Variants in SEMA6D observed in about 807,000 individuals in gnomAD.
SEMA6D encodes semaphorin-6D.
A neutral mutation model predicts 106.6 loss-of-function variants in SEMA6D; 35 were observed. That is an observed-to-expected ratio of 0.33 (90% CI 0.25 to 0.44). SEMA6D has a LOEUF of 0.44. Ranked by LOEUF, SEMA6D falls within the 20% of genes least tolerant of loss-of-function variation. SEMA6D has a pLI of 1.00. For missense variants in SEMA6D, 1,185 were observed against 1,345.9 expected, an observed-to-expected ratio of 0.88 and a Z score of 1.87; for synonymous variants, 499 against 487.7, an observed-to-expected ratio of 1.02 and a Z score of -0.31.
At chr15:47,190,226 A>G (rs1405245205) in intron 1 of SEMA6D, among the ~76,000 whole-genome samples, 1 of 152,194 alleles carries the variant, frequency 6.6e-6, no homozygotes. Context: ...ATCCCTCACT[A>G]GCTTGTTCAG....
chr15:47,760,321 G>T lies in SEMA6D; in HGVS notation c.127G>T (p.Val43Phe), dbSNP rs1402421034. 2 of 1,613,442 alleles carry T rather than the reference G, an allele frequency of 1.2e-6. No individual in the cohort carries two copies. Among genetic ancestry groups the T allele is most frequent in the Admixed American group, 1.7e-5 (1 of 59,956 alleles). Residue 43 changes from valine to phenylalanine, a missense_variant, in exon 3 of 19, where the codon GTT becomes TTT. Physicochemically the swap from Val to Phe is conservative, Grantham distance 50 (BLOSUM62 -1). Around this residue, in one of 3 missense-constraint regions of SEMA6D, gnomAD observed 144 missense variants for 138.6 expected, o/e 1.04. Coordinates refer to ENST00000536845, the MANE Select transcript of SEMA6D (RefSeq NM_001358351.3). The part of the protein sequence containing the change: ...VDYHYSRQYP[V>F]FRGRPSGNES... ...ACTTGCAGATTCAAGGCAATATCCG[G>T]TTTTTAGAGGACGCCCTTCAGGCAA...
At chr15:47,220,937 C>T (rs974632439) in intron 1 of SEMA6D, among the ~76,000 whole-genome samples, 3 of 152,168 alleles carry the variant, frequency 2.0e-5, no homozygotes, top group African/African-American at 4.8e-5. Context: ...TTAATACTTG[C>T]ATTCAATAAC....
chr15:47,349,151 C>T (rs1046280745), intron 1 of SEMA6D, among the ~76,000 whole-genome samples: 1 of 151,640 alleles, frequency 6.6e-6, no homozygotes, highest in African/African-American at 2.4e-5. Context: ...CAGAGTGGTT[C>T]AGCCATAGTC....
chr15:47,678,287 G>A (rs1340278330), intron 4 of SEMA6D, among the ~76,000 whole-genome samples: 1 of 152,078 alleles, frequency 6.6e-6, no homozygotes, highest in Non-Finnish European at 1.5e-5. Context: ...GTCAGCAGCT[G>A]AGCTGTGGCA....
chr15:47,627,650 G>A (rs1318501012), intron 4 of SEMA6D, among the ~76,000 whole-genome samples: 1 of 152,096 alleles, frequency 6.6e-6, no homozygotes, highest in Admixed American at 6.6e-5. Context: ...CAAGACAATT[G>A]TAGATTGACA....
At chr15:47,499,511 A>G (rs1300716555) in intron 3 of SEMA6D, among the ~76,000 whole-genome samples, 1 of 152,308 alleles carries the variant, frequency 6.6e-6, no homozygotes, top group East Asian at 1.9e-4. Context: ...TAGGATTACT[A>G]ATGTCATGAT....
chr15:47,759,597 T>C (rs1268028417), intron 1 of SEMA6D, 148 bp from the exon 2 acceptor site: 4 of 583,612 alleles, frequency 6.9e-6, no homozygotes, highest in Non-Finnish European at 1.2e-5. Context: ...TTGCCTGTGT[T>C]TTTGGCGATA....
intron 2 of SEMA6D, among the ~76,000 whole-genome samples, chr15:47,464,242 C>G (rs1019607153): frequency 6.6e-6 from 1 of 152,032 alleles, no homozygotes; most frequent in African/African-American, 2.4e-5. Flanking sequence ...CTTTTATTGT[C>G]AGGCAGTTAG....
intron 3 of SEMA6D, among the ~76,000 whole-genome samples, chr15:47,494,368 T>C (rs2043569032): frequency 6.6e-6 from 1 of 152,032 alleles, no homozygotes. Flanking sequence ...ATGTGTGTTA[T>C]ACAGATCACT....
In SEMA6D at chr15:47,592,651, C is replaced by A. The variant is rs199801237; in HGVS notation, c.-86-8214C>A. Among the ~76,000 whole-genome samples, 12 of 152,292 alleles carry A rather than the reference C, an allele frequency of 7.9e-5. No homozygotes were observed. In the East Asian group the frequency reaches 2.3e-3, roughly 29 times the overall value. ...TAGAGACAGAGACCATGTCAAATTG[C>A]ATCCTATGAAAATTGCATAAATAAA... On this transcript the variant is annotated intron_variant, in intron 3 of 19. Transcript: ENST00000558014.
intron 1 of SEMA6D, among the ~76,000 whole-genome samples, chr15:47,745,309 G>A (rs971154632): frequency 5.3e-5 from 8 of 152,198 alleles, no homozygotes; most frequent in Non-Finnish European, 1.2e-4. Flanking sequence ...TGAGGTAGCT[G>A]CTAGTGTGAT....
At chr15:47,537,586 A>G (rs2045210495) in intron 3 of SEMA6D, among the ~76,000 whole-genome samples, 1 of 152,212 alleles carries the variant, frequency 6.6e-6, no homozygotes, top group African/African-American at 2.4e-5. Flanking sequence ...GAATTAGAAG[A>G]AATAATACTG....
chr15:47,188,613 C>T (rs1893735305), intron 1 of SEMA6D, among the ~76,000 whole-genome samples: 1 of 152,166 alleles, frequency 6.6e-6, no homozygotes, highest in Admixed American at 6.5e-5. Flanking sequence ...TCATATAAGA[C>T]TCCTTGGAAT....
At chr15:47,311,345 T>C (rs553584309) in intron 1 of SEMA6D, among the ~76,000 whole-genome samples, 2 of 152,318 alleles carry the variant, frequency 1.3e-5, no homozygotes, top group South Asian at 4.1e-4. Context: ...ATGTAATTGC[T>C]ATCTCAGAGA....
Position 47,411,826 on chromosome 15 carries a change from T to C in SEMA6D, c.-238-567T>C, listed in dbSNP as rs146374473. On this transcript the variant is annotated intron_variant, in intron 1 of 19. Coordinates refer to the SEMA6D transcript ENST00000558014. ...TTCCAGTAGCGTGGTCAGAACAAGATAAATTCACTCCAGCCCTCAGAGCCT... is the reference window on the plus strand; with the variant it reads ...TTCCAGTAGCGTGGTCAGAACAAGACAAATTCACTCCAGCCCTCAGAGCCT... Among the ~76,000 whole-genome samples the C allele has an allele frequency of 3.0e-3, 456 of 152,264 alleles. 3 individuals are homozygous for C. The highest frequency in any genetic ancestry group is 0.01 in the African/African-American group (432 of 41,558).
chr15:47,750,659 C>G (rs2081380439), intron 1 of SEMA6D, among the ~76,000 whole-genome samples: 1 of 152,226 alleles, frequency 6.6e-6, no homozygotes, highest in Admixed American at 6.5e-5. Context: ...TTCATTTCCT[C>G]CACATGCCAT....
chr15:47,327,470 G>A (rs1380825849), intron 1 of SEMA6D, among the ~76,000 whole-genome samples: 1 of 152,138 alleles, frequency 6.6e-6, no homozygotes, highest in Non-Finnish European at 1.5e-5. Context: ...TGAATTGAAG[G>A]TTGTGGTAAA....
chr15:47,739,248 G>A lies in SEMA6D; in HGVS notation c.-54-20497G>A, dbSNP rs552054009. Among the ~76,000 whole-genome samples, 4 of 152,308 alleles carry A rather than the reference G, an allele frequency of 2.6e-5. No individual in the cohort carries two copies. The South Asian group carries it at 8.3e-4, about 32-fold the overall frequency. ...TACAGAATTTTCAGCCCTTTGGGAA[G>A]CTGAAAAACTAGATAGTTGGAGCAC... On this transcript the variant is annotated intron_variant, in intron 1 of 18. Coordinates refer to ENST00000536845, the MANE Select transcript of SEMA6D (RefSeq NM_001358351.3).
chr15:47,219,327 A>T (rs17284638), intron 1 of SEMA6D, among the ~76,000 whole-genome samples: 1,852 of 152,314 alleles, frequency 0.012, 42 homozygotes, highest in Admixed American at 0.012. Flanking sequence ...ACAGAAGCAC[A>T]TTCAATAAAA....
Sources: gnomAD v4.1 joint callset for allele counts (sites outside exome capture counted in the v4.1 genomes callset) on GRCh38, gnomAD v4.1.1 for gene constraint, gnomAD v4.1.1 regional missense constraint, MANE v1.5 for transcripts, NCBI Gene and HGNC (gene_info 2026-07-23, HGNC 2026-07-21) for gene names.